The following VPS53 variants were observed in gnomAD, a reference collection of about 807,000 sequenced individuals.
VPS53 encodes the protein vacuolar protein sorting-associated protein 53 homolog.
A neutral mutation model predicts 107.0 loss-of-function variants in VPS53; 70 were observed. The ratio of observed to expected loss-of-function variants is 0.65; its 90% CI spans 0.54 to 0.80. VPS53 has a LOEUF of 0.80. VPS53 is among the 30% of genes least tolerant of loss of function. VPS53 has a pLI of 0.00. For synonymous variants in VPS53, 409 were observed against 393.3 expected, an observed-to-expected ratio of 1.04 and a Z score of -0.47; for missense variants, 917 against 1,049.4, an observed-to-expected ratio of 0.87 and a Z score of 1.74.
At chr17:640,806 G>A (rs1412358216) in intron 7 of VPS53, among the ~76,000 whole-genome samples, 1 of 151,934 alleles carries the variant, frequency 6.6e-6, no homozygotes, top group African/African-American at 2.4e-5. Flanking sequence ...CTTAATCCTG[G>A]AGCAGAAGGA....
chr17:579,510 C>T (rs1966879533), intron 13 of VPS53, among the ~76,000 whole-genome samples: 1 of 151,732 alleles, frequency 6.6e-6, no homozygotes, highest in Non-Finnish European at 1.5e-5. Context: ...AGAGAACCTC[C>T]CTCACAATCT....
At chr17:571,777 G>A (rs1329895937) in intron 13 of VPS53, among the ~76,000 whole-genome samples, 11 of 152,232 alleles carry the variant, frequency 7.2e-5, no homozygotes, top group South Asian at 2.1e-4. Flanking sequence ...GCTCCTAACC[G>A]CGAGTGATCC....
At chr17:583,753 G>C (rs891576108) in intron 13 of VPS53, among the ~76,000 whole-genome samples, 6 of 150,606 alleles carry the variant, frequency 4.0e-5, no homozygotes, top group Non-Finnish European at 8.9e-5. Flanking sequence ...GGTTCCCATA[G>C]AACCTCCCTC....
chr17:621,554 A>T (rs907543655), intron 11 of VPS53, among the ~76,000 whole-genome samples: 3 of 152,220 alleles, frequency 2.0e-5, no homozygotes, highest in Non-Finnish European at 4.4e-5. Flanking sequence ...CTAGCCCTAA[A>T]ATCCTGTACT....
chr17:685,432 C>T (rs1448801499), intron 4 of VPS53, among the ~76,000 whole-genome samples: 4 of 152,214 alleles, frequency 2.6e-5, no homozygotes, highest in African/African-American at 9.7e-5. Flanking sequence ...CATACAACCA[C>T]TCTGTTTTTC....
Position 519,778 on chromosome 17 carries a change from G to T in VPS53, c.2328+48C>A. The T allele has an allele frequency of 7.4e-7, 1 of 1,348,288 alleles. No individual in the cohort carries two copies. Among genetic ancestry groups the T allele is most frequent in the Non-Finnish European group, 1.0e-6 (1 of 963,240 alleles). The allele number at this position is 1,348,288 out of a possible 1,614,324, so 83.5% of individuals were successfully genotyped here. ...TCCCAATTCCCGGTTAAGAACCGCT[G>T]AGTGTGAGGGGGATGAGCAGGTGTG... On this transcript the variant is annotated intron_variant, in intron 21 of 21. Coordinates refer to ENST00000437048, the MANE Select transcript of VPS53 (RefSeq NM_001128159.3). This position sits in a 1 kb window ranked among gnomAD's most constrained non-coding sequence, Gnocchi z 5.0.
intron 5 of VPS53, among the ~76,000 whole-genome samples, chr17:658,030 CCCA>C (rs1971270043): frequency 1.5e-5 from 1 of 65,938 alleles, no homozygotes; most frequent in Admixed American, 1.8e-4. Flanking sequence ...ATAGATACAT[CCCA>C]CTAAAGTGAG....
intron 19 of VPS53, among the ~76,000 whole-genome samples, chr17:531,709 C>T (rs191690117): frequency 8.0e-5 from 12 of 150,516 alleles, no homozygotes; most frequent in Admixed American, 6.6e-4. Flanking sequence ...GTTGCCCAGG[C>T]TGGTCTTGAA....
intron 15 of VPS53, 103 bp downstream of exon 15, chr17:560,323 G>A: frequency 7.0e-7 from 1 of 1,432,840 alleles, no homozygotes; most frequent in Non-Finnish European, 9.3e-7. Flanking sequence ...CTGACCCAAG[G>A]TTGTCTGTGG....
intron 19 of VPS53, among the ~76,000 whole-genome samples, chr17:530,880 A>G (rs1340029343): frequency 6.6e-6 from 1 of 152,236 alleles, no homozygotes; most frequent in African/African-American, 2.4e-5. Context: ...TCAGAGAACA[A>G]AGAGCAGAAA....
chr17:672,149 C>CACACACAT (rs1971979543), intron 4 of VPS53, among the ~76,000 whole-genome samples: 1 of 142,534 alleles, frequency 7.0e-6, no homozygotes, highest in African/African-American at 2.6e-5. Flanking sequence ...CACACACACA[C>CACACACAT]ACAATCTCTC....
intron 19 of VPS53, among the ~76,000 whole-genome samples, chr17:525,421 G>T (rs923937850): frequency 1.3e-5 from 2 of 152,156 alleles, no homozygotes; most frequent in African/African-American, 4.8e-5. Context: ...GGGTGTGGCA[G>T]CTCATGCCTG....
chr17:647,699 G>A (rs188111959), intron 7 of VPS53, among the ~76,000 whole-genome samples: 302 of 152,182 alleles, frequency 2.0e-3, no homozygotes, highest in Non-Finnish European at 2.3e-3. Flanking sequence ...AAAGGGTGGC[G>A]ATTTCCCTAG....
At chr17:575,610 G>A (rs1051641602) in intron 13 of VPS53, among the ~76,000 whole-genome samples, 2 of 150,416 alleles carry the variant, frequency 1.3e-5, no homozygotes, top group Non-Finnish European at 3.0e-5. Context: ...TGCATTCCCA[G>A]AGAACTTCCC....
intron 19 of VPS53, among the ~76,000 whole-genome samples, chr17:529,632 T>C (rs1909380995): frequency 6.6e-6 from 1 of 152,224 alleles, no homozygotes; most frequent in African/African-American, 2.4e-5. Flanking sequence ...AGCTATCCTG[T>C]CATTTTAAAG....
At chr17:693,154 A>C (rs1972834145) in intron 4 of VPS53, among the ~76,000 whole-genome samples, 1 of 152,088 alleles carries the variant, frequency 6.6e-6, no homozygotes, top group South Asian at 2.1e-4. Flanking sequence ...AAAAACAAAG[A>C]AGCAAGAAGC....
At chr17:701,084 G>A (rs574905786) in intron 2 of VPS53, among the ~76,000 whole-genome samples, 7 of 152,298 alleles carry the variant, frequency 4.6e-5, no homozygotes, top group African/African-American at 1.4e-4. Flanking sequence ...AGCACTTTGG[G>A]AGGCTAAGGT....
intron 11 of VPS53, 36 bp from the exon 12 acceptor site, chr17:601,932 G>T (rs774580144): frequency 6.9e-7 from 1 of 1,441,022 alleles, no homozygotes; most frequent in Non-Finnish European, 9.4e-7. Flanking sequence ...AGTGTTTTCT[G>T]AGCATATTCA....
intron 1 of VPS53, 77 bp from the exon 2 acceptor site, chr17:710,690 A>G (rs1973608549): frequency 8.2e-7 from 1 of 1,221,966 alleles, no homozygotes; most frequent in South Asian, 1.3e-5. Context: ...TGTCAATTAA[A>G]AGGAAAGGGC....
Sources: allele counts gnomAD v4.1 joint callset (sites outside exome capture counted in the v4.1 genomes callset), GRCh38; gene constraint gnomAD v4.1.1; non-coding constraint Gnocchi (gnomAD v3.1); transcripts MANE v1.5; gene names NCBI Gene and HGNC (gene_info 2026-07-23, HGNC 2026-07-21).